The following AKAP6 variants were observed in gnomAD, a reference collection of about 807,000 sequenced individuals.
The protein encoded by AKAP6 is A-kinase anchor protein 6.
A neutral mutation model predicts 188.5 loss-of-function variants in AKAP6; 58 were observed. The observed-to-expected ratio is 0.31, with a 90% CI of 0.25 to 0.38. AKAP6 has a LOEUF of 0.38. Ranked by LOEUF, AKAP6 falls within the 10% of genes least tolerant of loss-of-function variation. AKAP6 has a pLI of 1.00. For synonymous variants in AKAP6, 989 were observed against 998.6 expected (o/e 0.99, Z 0.18); for missense variants, 2,710 against 2,740.0 (o/e 0.99, Z 0.24).
At chr14:32,820,836 G>T (rs532116044) in intron 12 of AKAP6, among the ~76,000 whole-genome samples, 87 of 152,236 alleles carry the variant, frequency 5.7e-4, no homozygotes, top group African/African-American at 2.0e-3. Flanking sequence ...CAGAGGAAGG[G>T]GGGGTACACA....
At chr14:32,778,267 T>C (rs1455570372) in intron 12 of AKAP6, among the ~76,000 whole-genome samples, 1 of 152,118 alleles carries the variant, frequency 6.6e-6, no homozygotes, top group African/African-American at 2.4e-5. Context: ...AGACTGAAAA[T>C]AGTAACTATG....
intron 8 of AKAP6, among the ~76,000 whole-genome samples, chr14:32,691,668 C>T (rs937210824): frequency 6.6e-6 from 1 of 152,088 alleles, no homozygotes; most frequent in Admixed American, 6.6e-5. Flanking sequence ...AAGCAATTCA[C>T]CTGCCTCAGC....
chr14:32,474,984 A>G (rs1878982844), intron 2 of AKAP6, among the ~76,000 whole-genome samples: 1 of 152,202 alleles, frequency 6.6e-6, no homozygotes, highest in Admixed American at 6.5e-5. Context: ...TTTGAGACAC[A>G]GGAAGTATAT....
rs369178569 is a variant in AKAP6 at position 32,678,325 on chromosome 14, A to G, written c.2745A>G (p.Leu915=). Residue 915 remains leucine, a synonymous_variant, in exon 8 of 14, where the codon CTA becomes CTG. Coordinates refer to ENST00000280979, the MANE Select transcript of AKAP6 (RefSeq NM_004274.5). ...GTGSPKAEVQ[L]CYLEAQRDAV... ...TCTCTTTCCAGGCTGAGGTTCAACT[A>G]TGCTACCTGGAAGCACAAAGAGATG... 3 of 1,611,774 alleles carry G rather than the reference A, an allele frequency of 1.9e-6. No homozygotes were observed. Among genetic ancestry groups the G allele is most frequent in the African/African-American group, 2.7e-5 (2 of 74,890 alleles).
intron 9 of AKAP6, among the ~76,000 whole-genome samples, chr14:32,704,602 T>G (rs1430862712): frequency 1.3e-5 from 2 of 152,156 alleles, no homozygotes; most frequent in Non-Finnish European, 2.9e-5. Flanking sequence ...GGGGCTAATC[T>G]GGTTTGAGGC....
At chr14:32,757,151 T>G (rs2032367181) in intron 11 of AKAP6, among the ~76,000 whole-genome samples, 1 of 152,140 alleles carries the variant, frequency 6.6e-6, no homozygotes, top group Non-Finnish European at 1.5e-5. Flanking sequence ...AAAGTTTCCT[T>G]CCTAGCCTTT....
At chr14:32,799,156 G>T (rs2033863090) in intron 12 of AKAP6, among the ~76,000 whole-genome samples, 1 of 152,112 alleles carries the variant, frequency 6.6e-6, no homozygotes, top group Non-Finnish European at 1.5e-5. Flanking sequence ...CTTAAGTGAT[G>T]GATTTCATGT....
chr14:32,457,281 G>A (rs1358195386), intron 2 of AKAP6, among the ~76,000 whole-genome samples: 7 of 152,148 alleles, frequency 4.6e-5, no homozygotes, highest in Non-Finnish European at 1.0e-4. Context: ...AGTGGGAAAG[G>A]GGGAAAGGCT....
chr14:32,464,934 T>G (rs1256938632), intron 2 of AKAP6, among the ~76,000 whole-genome samples: 1 of 152,110 alleles, frequency 6.6e-6, no homozygotes, highest in Non-Finnish European at 1.5e-5. Context: ...TCACAAGCAT[T>G]CCTATACATC....
intron 1 of AKAP6, chr14:32,373,693 T>A (rs1442459619): frequency 6.6e-6 from 1 of 152,236 alleles, no homozygotes; most frequent in African/African-American, 2.4e-5. Context: ...TAGTTCAGCC[T>A]ATGCCCAGGA....
chr14:32,726,427 C>A lies in AKAP6; in HGVS notation c.3001-6027C>A, dbSNP rs139311978. 1.4e-3 allele frequency among the ~76,000 whole-genome samples: 216 copies of A among 152,200 alleles called. 1 individual carries two copies. The East Asian group carries it at 0.022, about 16-fold the overall frequency. On this transcript the variant is annotated intron_variant, in intron 9 of 13. Transcript: ENST00000280979. ...TAGGTGTCAGGACATCATTTGGGAG[C>A]GTTTTGTTTAATTTTTGTAATTTGA...
chr14:32,579,204 C>T (rs145714059), intron 5 of AKAP6, among the ~76,000 whole-genome samples: 177 of 152,250 alleles, frequency 1.2e-3, no homozygotes, highest in Middle Eastern at 6.8e-3. Flanking sequence ...CTGTACCTGC[C>T]TCGTAATGAC....
intron 2 of AKAP6, among the ~76,000 whole-genome samples, chr14:32,493,459 C>T (rs1241343978): frequency 2.0e-5 from 3 of 152,142 alleles, no homozygotes; most frequent in African/African-American, 7.2e-5. Flanking sequence ...GATCCTCCTG[C>T]TTCAGCCTCC....
In AKAP6 at chr14:32,649,628, CT is replaced by C. The variant is rs1159884119; in HGVS notation, c.2731-28676del. On this transcript the variant is annotated intron_variant, in intron 7 of 13. Coordinates refer to ENST00000280979, the MANE Select transcript of AKAP6 (RefSeq NM_004274.5). The stretch of plus-strand genomic sequence containing the variant: ...TTACTGCAAATCTTATGAATTGTTT[CT>C]TTTTTTGTAAATATGAATTAATAAA... Among the ~76,000 whole-genome samples the C allele has an allele frequency of 2.2e-4, 33 of 151,908 alleles. 1 individual carries two copies. Among genetic ancestry groups the C allele is most frequent in the African/African-American group, 8.0e-4 (33 of 41,366 alleles).
chr14:32,334,606 G>GA (rs1206068046), intron 1 of AKAP6, among the ~76,000 whole-genome samples: 1 of 152,084 alleles, frequency 6.6e-6, no homozygotes, highest in South Asian at 2.1e-4. Flanking sequence ...ATATGTATAG[G>GA]AAAAAACATA....
At chr14:32,722,409 G>A (rs1166639420) in intron 9 of AKAP6, among the ~76,000 whole-genome samples, 1 of 152,084 alleles carries the variant, frequency 6.6e-6, no homozygotes. Flanking sequence ...AGGAAGCAGG[G>A]AAATATTGGG....
chr14:32,509,476 TG>T (rs1249391264), intron 2 of AKAP6, among the ~76,000 whole-genome samples: 1 of 152,172 alleles, frequency 6.6e-6, no homozygotes, highest in Non-Finnish European at 1.5e-5. Context: ...ATTAGTTTTT[TG>T]TCTTATCTTT....
intron 12 of AKAP6, among the ~76,000 whole-genome samples, chr14:32,794,351 AG>A (rs1191691463): frequency 6.6e-6 from 1 of 152,182 alleles, no homozygotes; most frequent in Non-Finnish European, 1.5e-5. Flanking sequence ...ACTTGAGGCC[AG>A]GAGTTCAGAC....
chr14:32,574,162 G>A (rs773118553), intron 4 of AKAP6, among the ~76,000 whole-genome samples: 1 of 152,116 alleles, frequency 6.6e-6, no homozygotes, highest in Non-Finnish European at 1.5e-5. Context: ...TTATAAGTTC[G>A]GAACACTGGG....
Sources: gnomAD v4.1 joint callset for allele counts (sites outside exome capture counted in the v4.1 genomes callset) on GRCh38, gnomAD v4.1.1 for gene constraint, MANE v1.5 for transcripts, NCBI Gene and HGNC (gene_info 2026-07-23, HGNC 2026-07-21) for gene names.